Variants in COL4A2 observed in about 807,000 individuals in gnomAD.
COL4A2 encodes collagen alpha-2(IV) chain.
In COL4A2, 99 loss-of-function variants were observed where a neutral mutation model predicts 200.2. The observed-to-expected ratio is 0.49, with a 90% CI of 0.42 to 0.58. The LOEUF is 0.58. Ranked by LOEUF, COL4A2 falls within the 20% of genes least tolerant of loss-of-function variation. The probability of loss-of-function intolerance (pLI) is 0.00; values close to 1 mark genes in which losing one functional copy is unlikely to be tolerated. For synonymous variants in COL4A2, 897 were observed against 900.6 expected (o/e 1.00, Z 0.07); for missense variants, 1,950 against 2,314.1 (o/e 0.84, Z 3.23).
intron 4 of COL4A2, among the ~76,000 whole-genome samples, chr13:110,417,621 C>T (rs572658376): frequency 1.3e-5 from 2 of 152,264 alleles, no homozygotes; most frequent in Non-Finnish European, 2.9e-5. Context: ...CAGTTAGTCC[C>T]TCCCCTCCAC....
intron 4 of COL4A2, among the ~76,000 whole-genome samples, chr13:110,401,824 AG>A (rs1387040369): frequency 6.6e-6 from 1 of 152,220 alleles, no homozygotes; most frequent in East Asian, 1.9e-4. Context: ...AAGTACTAGT[AG>A]ATTTGGTGTC....
intron 4 of COL4A2, among the ~76,000 whole-genome samples, chr13:110,385,945 G>GGCCATGGTCACAGCGTGTGGATA (rs1878719584): frequency 4.8e-5 from 1 of 20,880 alleles, no homozygotes. Flanking sequence ...GCGTGTGGAT[G>GGCCATGGTCACAGCGTGTGGATA]GGCCGTGGTC....
intron 24 of COL4A2, among the ~76,000 whole-genome samples, chr13:110,464,055 A>ATGTGTGG (rs920461619): frequency 3.9e-5 from 6 of 152,074 alleles, no homozygotes; most frequent in African/African-American, 1.4e-4. Context: ...TGGTGAGTGT[A>ATGTGTGG]TGTGTGGTGT....
intron 4 of COL4A2, among the ~76,000 whole-genome samples, chr13:110,360,923 C>T (rs1041422779): frequency 1.3e-5 from 2 of 152,332 alleles, no homozygotes; most frequent in South Asian, 2.1e-4. Context: ...GGCCGAGGCC[C>T]GTGCTGCCAA....
intron 41 of COL4A2, 40 bp downstream of exon 41, chr13:110,501,824 G>A (rs766523201): frequency 1.3e-6 from 2 of 1,585,068 alleles, no homozygotes; most frequent in Non-Finnish European, 1.7e-6. Flanking sequence ...ACATCTCTAG[G>A]GGCAGGAGCT....
chr13:110,424,795 C>G lies in COL4A2; in HGVS notation c.242C>G (p.Pro81Arg), dbSNP rs750061237. The G allele has an allele frequency of 2.5e-6, 4 of 1,612,772 alleles. No individual in the cohort carries two copies. Among genetic ancestry groups the G allele is most frequent in the Non-Finnish European group, 3.4e-6 (4 of 1,178,932 alleles). ...GGGCCACCAGGATTACAAGGATTCC[C>G]GGGACTGCAGGGACGTAAAGGAGAC... is the stretch of plus-strand genomic sequence containing the variant. ...YNGPPGLQGF[P>R]GLQGRKGDKG... Residue 81 changes from proline to arginine, a missense_variant, in exon 5 of 48, where the codon CCG becomes CGG. Physicochemically the swap from Pro to Arg is moderately radical, Grantham distance 103 (BLOSUM62 -2). This residue lies in a region of COL4A2 where 565 missense variants were observed against 593.5 expected (regional missense o/e 0.95). Transcript: ENST00000360467.
Position 110,352,117 on chromosome 13 carries a change from G to A in COL4A2, c.100-5355G>A, listed in dbSNP as rs542683972. Among the ~76,000 whole-genome samples, 5 of 152,316 alleles carry A rather than the reference G, an allele frequency of 3.3e-5. No homozygotes were observed. In the East Asian group the frequency reaches 5.8e-4, roughly 18 times the overall value. ...TGATCATGATGATGATGATGATGACGATGATGATGGCATGAAGGTGGTGCC... is the reference window on the plus strand; with the variant it reads ...TGATCATGATGATGATGATGATGACAATGATGATGGCATGAAGGTGGTGCC... On this transcript the variant is annotated intron_variant, in intron 3 of 47. Transcript: ENST00000360467.
intron 45 of COL4A2, among the ~76,000 whole-genome samples, chr13:110,505,139 AG>A (rs1394306297): frequency 2.6e-5 from 4 of 151,362 alleles, no homozygotes; most frequent in South Asian, 2.1e-4. Flanking sequence ...TCACAAGGGC[AG>A]GAGATCGAGA....
chr13:110,366,866 C>T (rs1392888161), intron 4 of COL4A2, among the ~76,000 whole-genome samples: 1 of 152,150 alleles, frequency 6.6e-6, no homozygotes, highest in Admixed American at 6.5e-5. Context: ...AACCTGAGGC[C>T]CTGAGCTGCC....
chr13:110,382,638 T>C (rs1444308601), intron 4 of COL4A2, among the ~76,000 whole-genome samples: 1 of 152,250 alleles, frequency 6.6e-6, no homozygotes, highest in African/African-American at 2.4e-5. Context: ...TTAACAATTA[T>C]ATTAAATTGT....
At chr13:110,392,793 T>C (rs973383285) in intron 4 of COL4A2, among the ~76,000 whole-genome samples, 1 of 152,172 alleles carries the variant, frequency 6.6e-6, no homozygotes, top group African/African-American at 2.4e-5. Context: ...TCCCTCCTCT[T>C]TAACTATAAA....
intron 3 of COL4A2, among the ~76,000 whole-genome samples, chr13:110,336,088 T>A (rs1876173078): frequency 6.6e-6 from 1 of 152,262 alleles, no homozygotes; most frequent in East Asian, 1.9e-4. Flanking sequence ...TGCCTCTATG[T>A]ATCTTCTTGG....
chr13:110,308,523 T>C (rs779767394), intron 3 of COL4A2, among the ~76,000 whole-genome samples: 1 of 152,164 alleles, frequency 6.6e-6, no homozygotes, highest in Non-Finnish European at 1.5e-5. Flanking sequence ...GGGGAGTCTC[T>C]GTCACGGACT....
At chr13:110,438,480 A>C (rs1428704585) in intron 14 of COL4A2, 138 bp from the exon 15 acceptor site, 2 of 1,162,800 alleles carry the variant, frequency 1.7e-6, no homozygotes, top group African/African-American at 1.5e-5. Context: ...ACTGCGCCTG[A>C]GTTGAGCATC....
intron 30 of COL4A2, among the ~76,000 whole-genome samples, chr13:110,478,854 G>A (rs987690606): frequency 8.5e-5 from 13 of 152,250 alleles, no homozygotes; most frequent in East Asian, 5.8e-4. Context: ...TGGGAAAGAC[G>A]CAGTTGCTTA....
chr13:110,478,852 A>G (rs1882791647), intron 30 of COL4A2, among the ~76,000 whole-genome samples: 2 of 152,388 alleles, frequency 1.3e-5, no homozygotes, highest in Non-Finnish European at 2.9e-5. Flanking sequence ...AGTGGGAAAG[A>G]CGCAGTTGCT....
intron 39 of COL4A2, among the ~76,000 whole-genome samples, chr13:110,495,033 C>T (rs567552686): frequency 1.3e-5 from 2 of 152,266 alleles, no homozygotes; most frequent in African/African-American, 2.4e-5. Context: ...TGAAGAGAAG[C>T]CCCCAGGAGC....
At chr13:110,318,510 C>T (rs1019971516) in intron 3 of COL4A2, among the ~76,000 whole-genome samples, 6 of 152,160 alleles carry the variant, frequency 3.9e-5, no homozygotes, top group Non-Finnish European at 7.3e-5. Flanking sequence ...TAAGAGCCCC[C>T]ACTCACCCTG....
chr13:110,456,296 C>T lies in COL4A2; in HGVS notation c.1340-1047C>T, dbSNP rs57000313. On this transcript the variant is annotated intron_variant, in intron 20 of 47. Coordinates refer to ENST00000360467, the MANE Select transcript of COL4A2 (RefSeq NM_001846.4). ...ATTAGCATAACAGTTATCCTAACTC[C>T]GTGTGTGTGCATGTAAGGCATGAAA... The T allele has an allele frequency of 3.7e-3, 784 of 212,476 alleles. 12 individuals are homozygous for T. The highest frequency in any genetic ancestry group is 0.018 in the African/African-American group (746 of 42,058). 13.2% of individuals were successfully genotyped at this position (212,476 alleles called of 1,614,324 possible).
Sources: gnomAD v4.1 joint callset for allele counts (sites outside exome capture counted in the v4.1 genomes callset) on GRCh38, gnomAD v4.1.1 for gene constraint, gnomAD v4.1.1 regional missense constraint, MANE v1.5 for transcripts, NCBI Gene and HGNC (gene_info 2026-07-23, HGNC 2026-07-21) for gene names.